TEKT2: variants seen among roughly 807,000 people sequenced by gnomAD.
TEKT2 encodes the protein tektin-2.
A neutral mutation model predicts 49.8 loss-of-function variants in TEKT2; 45 were observed. The ratio of observed to expected loss-of-function variants is 0.90; its 90% CI spans 0.71 to 1.16. The LOEUF (loss-of-function observed/expected upper bound fraction) is 1.16. Ranked by LOEUF, TEKT2 falls within the 50% of genes most tolerant of loss-of-function variation. TEKT2 has a pLI of 0.00. For missense variants in TEKT2, 523 were observed against 551.4 expected (o/e 0.95, Z 0.52); for synonymous variants, 202 against 224.6 (o/e 0.90, Z 0.90).
intron 4 of TEKT2, 141 bp downstream of exon 4, chr1:36,086,182 C>T (rs943171596): frequency 1.1e-6 from 1 of 899,784 alleles, no homozygotes; most frequent in African/African-American, 1.6e-5. Flanking sequence ...ACAGAAACCA[C>T]TAATCAATTG....
intron 3 of TEKT2, chr1:36,085,555 C>G: frequency 2.0e-6 from 1 of 504,244 alleles, no homozygotes; most frequent in Non-Finnish European, 3.4e-6. Flanking sequence ...GGATCTGTTG[C>G]CCAGGCTGGA....
chr1:36,086,033 G>A lies in TEKT2; in HGVS notation c.480G>A (p.Glu160=). 1 of 1,580,842 alleles carries A rather than the reference G, an allele frequency of 6.3e-7. No homozygotes were observed. The highest frequency in any genetic ancestry group is 8.6e-7 in the Non-Finnish European group (1 of 1,162,848). Residue 160 remains glutamate, a synonymous_variant, in exon 4 of 10, where the codon GAG becomes GAA. Transcript: ENST00000207457. ...AACAGAAGGTCAGCCAGGCCTTCGA[G>A]CAGCTCTGGTAAGGGAGAGGCAGGT... ...ALQQKVSQAF[E]QLCLLQEVQQ... is the part of the protein sequence containing the mutation.
In TEKT2 at chr1:36,084,391, C is replaced by A. The variant is rs367750945; in HGVS notation, c.-53+242C>A. The stretch of plus-strand genomic sequence containing the variant: ...GGAGGGGGCCGCCCCGGGGGCCGCC[C>A]CCCAGCTCCCCAGTGCCAACAGGCA... On this transcript the variant is annotated intron_variant, in intron 1 of 9. Coordinates refer to ENST00000207457, the MANE Select transcript of TEKT2 (RefSeq NM_014466.3). This position sits in a 1 kb window ranked among gnomAD's most constrained non-coding sequence, Gnocchi z 4.1. The A allele has an allele frequency of 6.4e-6, 1 of 156,554 alleles. No individual in the cohort carries two copies. Among genetic ancestry groups the A allele is most frequent in the East Asian group, 1.9e-4 (1 of 5,296 alleles). The allele number at this position is 156,554 out of a possible 1,614,324, so 9.7% of individuals were successfully genotyped here. A position where few individuals can be genotyped will look rare whatever the true frequency, so the allele number is the denominator to read the frequency against.
rs1198591513 is a variant in TEKT2 at position 36,084,668 on chromosome 1, G to A, written c.-52-202G>A. 1.3e-5 allele frequency among the ~76,000 whole-genome samples: 2 copies of A among 152,182 alleles called. No individual in the cohort carries two copies. The highest frequency in any genetic ancestry group is 2.9e-5 in the Non-Finnish European group (2 of 68,022). The stretch of plus-strand genomic sequence containing the variant: ...GCTCCAGGACCTGCAAGGTCCAGGG[G>A]TTTGTGTCCGCCTGGGGACGGGAGG... On this transcript the variant is annotated intron_variant, in intron 1 of 9. Coordinates refer to ENST00000207457, the MANE Select transcript of TEKT2 (RefSeq NM_014466.3). The surrounding 1 kb of genome is among the most constrained non-coding windows in gnomAD (Gnocchi z 4.1).
At position 36,085,812 on chromosome 1, in the gene TEKT2, G is replaced by A. The variant is rs114207408; in HGVS notation, c.283-24G>A. 1,673 of 1,607,494 alleles carry A rather than the reference G, an allele frequency of 1.0e-3. 9 individuals carry two copies. The African/African-American group carries it at 0.02, about 19-fold the overall frequency. On this transcript the variant is annotated intron_variant, in intron 3 of 9. Transcript: ENST00000207457. ...TGGGATTACAGATGTGAGCCACCGT[G>A]CCCGGCCGCGCCCTCTTTTCTAGAT...
At position 36,086,973 on chromosome 1, in the gene TEKT2, C is replaced by G. The variant is rs1643387633; in HGVS notation, c.675C>G (p.Asn225Lys). 6.2e-7 allele frequency: 1 copy of G among 1,613,956 alleles called. No individual in the cohort carries two copies. Among genetic ancestry groups the G allele is most frequent in the African/African-American group, 1.3e-5 (1 of 75,028 alleles). ...AGTGGGATGACTTCAGTCGGTTCAA[C>G]AAGGACCGAGCGGAGGCTGAGATGA... is the stretch of plus-strand genomic sequence containing the variant. ...LQQWDDFSRF[N>K]KDRAEAEMKA... Residue 225 changes from asparagine (N) to lysine (K), a missense_variant, in exon 6 of 10, where the codon AAC becomes AAG. Transcript: ENST00000207457.
At chr1:36,086,106 A>G in intron 4 of TEKT2, 65 bp downstream of exon 4, 1 of 1,513,320 alleles carries the variant, frequency 6.6e-7, no homozygotes, top group Non-Finnish European at 9.0e-7. Context: ...TTCAATGTGG[A>G]ACACAGGTAT....
intron 3 of TEKT2, among the ~76,000 whole-genome samples, chr1:36,085,507 C>CTTTTTTTTTTTTTTTTTTTTTT (rs1159834731): frequency 2.1e-4 from 17 of 82,550 alleles, no homozygotes; most frequent in Admixed American, 3.5e-4. Flanking sequence ...TCTTTCTTTT[C>CTTTTTTTTTTTTTTTTTTTTTT]TTTTTTTTTT....
In TEKT2 at chr1:36,084,506, A is replaced by G. The variant is rs994289813; in HGVS notation, c.-53+357A>G. 3.4e-6 allele frequency: 1 copy of G among 296,006 alleles called. No individual in the cohort carries two copies. The highest frequency in any genetic ancestry group is 2.2e-5 in the African/African-American group (1 of 45,916). The allele number at this position is 296,006 out of a possible 1,614,324, so 18.3% of individuals were successfully genotyped here. On this transcript the variant is annotated intron_variant, in intron 1 of 9. Coordinates refer to ENST00000207457, the MANE Select transcript of TEKT2 (RefSeq NM_014466.3). This position sits in a 1 kb window ranked among gnomAD's most constrained non-coding sequence, Gnocchi z 4.1. The stretch of plus-strand genomic sequence containing the variant: ...TGGGGAAGAAAGGAAAGGAAGATCA[A>G]CAAGGCATGGTTGGCTGGGGGCAGG...
chr1:36,087,277 AAGTGTACAGTGAGCTC>A lies in TEKT2; in HGVS notation c.823_838del (p.Val275SerfsTer30), dbSNP rs1251072565. 1 of 1,614,126 alleles carries A rather than the reference AAGTGTACAGTGAGCTC, an allele frequency of 6.2e-7. No homozygotes were observed. ...AGGAAGCGGCTGCGGGAGATGGAGA[AAGTGTACAGTGAGCTC>A]AAGTGGCAAGAGAAGAATGTGAGCA... On this transcript the variant is annotated frameshift_variant, in exon 7 of 10. Transcript: ENST00000207457. LOFTEE classifies it high-confidence loss of function. The surrounding 1 kb of genome is among the most constrained non-coding windows in gnomAD (Gnocchi z 4.9).
chr1:36,087,780 C>A lies in TEKT2; in HGVS notation c.1052C>A (p.Ala351Asp). Residue 351 changes from alanine (A) to aspartate (D), a missense_variant, in exon 9 of 10, where the codon GCC (alanine) becomes GAC (aspartate). Transcript: ENST00000207457. This position sits in a 1 kb window ranked among gnomAD's most constrained non-coding sequence, Gnocchi z 4.9. Reference protein sequence around the residue: ...EVHQLEATIAALKQKLAQAQD... With the variant: ...EVHQLEATIADLKQKLAQAQD... ...CACCAGCTAGAGGCAACCATCGCTG[C>A]CCTGAAGCAGAAGCTGGCGCAAGCA... The A allele has an allele frequency of 6.2e-7, 1 of 1,613,820 alleles. No homozygotes were observed. Among genetic ancestry groups the A allele is most frequent in the African/African-American group, 1.3e-5 (1 of 75,070 alleles).
rs201546652 is a variant in TEKT2, at chr1:36,086,996, T to C, written c.698T>C (p.Met233Thr). ...RFNKDRAEAE[M>T]KAATELREAT... Reference sequence around the variant, plus strand: ...AACAAGGACCGAGCGGAGGCTGAGATGAAGGCAGCCACAGAGCTGAGGGAG... The same window carrying C: ...AACAAGGACCGAGCGGAGGCTGAGACGAAGGCAGCCACAGAGCTGAGGGAG... Residue 233 changes from methionine (M) to threonine (T), a missense_variant, in exon 6 of 10, where the codon ATG becomes ACG. Physicochemically the swap from Met to Thr is moderately conservative, Grantham distance 81 (BLOSUM62 -1). Transcript: ENST00000207457. 6.2e-7 allele frequency: 1 copy of C among 1,614,006 alleles called. No individual in the cohort carries two copies. The highest frequency in any genetic ancestry group is 8.5e-7 in the Non-Finnish European group (1 of 1,180,032).
At chr1:36,086,118 G>A in intron 4 of TEKT2, 77 bp downstream of exon 4, 1 of 1,490,928 alleles carries the variant, frequency 6.7e-7, no homozygotes, top group African/African-American at 1.4e-5. Flanking sequence ...CACAGGTATT[G>A]TGGATGAGGA....
intron 4 of TEKT2, among the ~76,000 whole-genome samples, chr1:36,086,424 C>T (rs551360968): frequency 7.9e-5 from 12 of 152,076 alleles, no homozygotes; most frequent in East Asian, 7.7e-4. Flanking sequence ...TTTCATCCTG[C>T]GGGTGTGTAG....
chr1:36,087,617 A>C lies in TEKT2; in HGVS notation c.999+35A>C. Reference sequence around the variant, plus strand: ...TGTCCCAGTGGCGCACGGGCCCCCTAGCCAAGGTTTTCTCATATTCCTGAT... The same window carrying C: ...TGTCCCAGTGGCGCACGGGCCCCCTCGCCAAGGTTTTCTCATATTCCTGAT... On this transcript the variant is annotated intron_variant, in intron 8 of 9. Coordinates refer to ENST00000207457, the MANE Select transcript of TEKT2 (RefSeq NM_014466.3). This position sits in a 1 kb window ranked among gnomAD's most constrained non-coding sequence, Gnocchi z 4.9. The C allele has an allele frequency of 1.2e-6, 2 of 1,613,448 alleles. No individual in the cohort carries two copies. The highest frequency in any genetic ancestry group is 1.7e-6 in the Non-Finnish European group (2 of 1,179,926).
Position 36,084,770 on chromosome 1 carries a change from G to T in TEKT2, c.-52-100G>T. The T allele has an allele frequency of 8.6e-7, 1 of 1,163,342 alleles. No homozygotes were observed. 72.1% of individuals were successfully genotyped at this position (1,163,342 alleles called of 1,614,324 possible). On this transcript the variant is annotated intron_variant, in intron 1 of 9. Transcript: ENST00000207457. This position sits in a 1 kb window ranked among gnomAD's most constrained non-coding sequence, Gnocchi z 4.1. ...CTCCAAGCAGGCTTCCAGCAGGACA[G>T]GGCTCAGAGCAAAATGGACAGGAAC...
At position 36,085,196 on chromosome 1, in the gene TEKT2, C is replaced by T; in HGVS notation, c.190C>T (p.Leu64=). The change falls in exon 3 of 10, where the codon CTG becomes TTG. Residue 64 remains leucine (L), a synonymous_variant. Coordinates refer to ENST00000207457, the MANE Select transcript of TEKT2 (RefSeq NM_014466.3). ...IWDEHDNRTR[L]VERIDTVNRW... ...GGATGAACATGACAACAGGACTCGA[C>T]TGGTGGAGAGGATTGATACTGTCAA... 1 of 1,614,236 alleles carries T rather than the reference C, an allele frequency of 6.2e-7. No individual in the cohort carries two copies. The highest frequency in any genetic ancestry group is 8.5e-7 in the Non-Finnish European group (1 of 1,180,052).
In TEKT2 at chr1:36,084,926, C is replaced by T; in HGVS notation, c.5C>T (p.Ala2Val). M[A>V]TLSVKPSRRF... ...GACCCTTCTGGTTTCTGTGCCATGG[C>T]CACGCTGAGCGTCAAGCCAAGTCGG... Residue 2 changes from alanine (A) to valine (V), a missense_variant, in exon 2 of 10, where the codon GCC becomes GTC. Coordinates refer to ENST00000207457, the MANE Select transcript of TEKT2 (RefSeq NM_014466.3). This position sits in a 1 kb window ranked among gnomAD's most constrained non-coding sequence, Gnocchi z 4.1. The T allele has an allele frequency of 6.2e-7, 1 of 1,613,888 alleles. No homozygotes were observed.
chr1:36,085,472 C>CTCTTT (rs542410660), intron 3 of TEKT2, among the ~76,000 whole-genome samples, 184 bp downstream of exon 3: 1 of 149,596 alleles, frequency 6.7e-6, no homozygotes, highest in Non-Finnish European at 1.5e-5. Context: ...CCCCCGCCCA[C>CTCTTT]TCTTTTCTTT....
Sources: allele counts gnomAD v4.1 joint callset (sites outside exome capture counted in the v4.1 genomes callset), GRCh38; gene constraint gnomAD v4.1.1; non-coding constraint Gnocchi (gnomAD v3.1); transcripts MANE v1.5; gene names NCBI Gene and HGNC (gene_info 2026-07-23, HGNC 2026-07-21).